The following SEMA5A variants were observed in gnomAD, a reference collection of about 807,000 sequenced individuals.
The protein encoded by SEMA5A is semaphorin-5A.
A neutral mutation model predicts 135.5 loss-of-function variants in SEMA5A; 55 were observed. That is an observed-to-expected ratio of 0.41 (90% confidence interval 0.33 to 0.51). The LOEUF (loss-of-function observed/expected upper bound fraction) is 0.51. Among genes scored for constraint, SEMA5A ranks in the 20% least tolerant of loss-of-function variants. The probability of loss-of-function intolerance (pLI) is 0.37; values close to 1 mark genes in which losing one functional copy is unlikely to be tolerated. For synonymous variants in SEMA5A, 580 were observed against 546.5 expected (o/e 1.06, Z -0.85); for missense variants, 1,290 against 1,419.9 (o/e 0.91, Z 1.47).
intron 4 of SEMA5A, among the ~76,000 whole-genome samples, chr5:9,325,560 A>G (rs1331062494): frequency 2.0e-5 from 3 of 152,054 alleles, no homozygotes; most frequent in African/African-American, 7.2e-5. Flanking sequence ...ATCACTAAGC[A>G]TAACAATATA....
At chr5:9,500,434 T>A (rs1418490049) in intron 1 of SEMA5A, among the ~76,000 whole-genome samples, 3 of 152,168 alleles carry the variant, frequency 2.0e-5, no homozygotes, top group Non-Finnish European at 4.4e-5. Flanking sequence ...GTTTTCATCA[T>A]GTTAGCTTTT....
rs182741616 is a variant in SEMA5A at position 9,468,879 on chromosome 5, C to G, written c.-174-31027G>C. Among the ~76,000 whole-genome samples the G allele has an allele frequency of 1.3e-5, 2 of 152,270 alleles. 1 individual carries two copies. The highest frequency in any genetic ancestry group is 3.9e-4 in the East Asian group (2 of 5,188). ...CATATTTAAAGCATTTCATACCTAC[C>G]GTCACATTGTTCTCCATAATATTCT... On this transcript the variant is annotated intron_variant, in intron 1 of 22. Transcript: ENST00000382496.
At chr5:9,154,089 A>ATG (rs1411582465) in intron 12 of SEMA5A, among the ~76,000 whole-genome samples, 2,230 of 78,896 alleles carry the variant, frequency 0.028, 77 homozygotes, top group Middle Eastern at 0.076. Flanking sequence ...ATATATATAT[A>ATG]TATATGTGTG....
chr5:9,256,776 T>A (rs1250119032), intron 5 of SEMA5A, among the ~76,000 whole-genome samples: 1 of 152,234 alleles, frequency 6.6e-6, no homozygotes, highest in African/African-American at 2.4e-5. Flanking sequence ...GAGTTTGAAA[T>A]GAGTTTACTT....
chr5:9,118,188 A>G (rs1288360101), intron 15 of SEMA5A, among the ~76,000 whole-genome samples: 1 of 152,238 alleles, frequency 6.6e-6, no homozygotes, highest in East Asian at 1.9e-4. Flanking sequence ...AAATGCACTG[A>G]AAGTCATTCA....
rs1741834489 is a variant in SEMA5A, at chr5:9,137,651, G to A, written c.1482-1030C>T. On this transcript the variant is annotated intron_variant, in intron 12 of 22. Transcript: ENST00000382496. ...GTGCCAATGACCCCTCTTAGAGGCA[G>A]GATAGTACTTACAGTGAGGGAGGTC... is the stretch of plus-strand genomic sequence containing the variant. 2.0e-5 allele frequency among the ~76,000 whole-genome samples: 3 copies of A among 152,156 alleles called. No individual in the cohort carries two copies. The South Asian group carries it at 6.2e-4, about 32-fold the overall frequency.
chr5:9,519,814 C>A (rs531827801), intron 1 of SEMA5A: 1 of 152,330 alleles, frequency 6.6e-6, no homozygotes, highest in South Asian at 2.1e-4. Context: ...CCAGTGCTTT[C>A]TCTTACCTCA....
chr5:9,541,724 T>C (rs762744129), intron 1 of SEMA5A, among the ~76,000 whole-genome samples: 2 of 152,204 alleles, frequency 1.3e-5, no homozygotes, highest in Non-Finnish European at 2.9e-5. Flanking sequence ...ACAACAGCAA[T>C]TCCTTTGGGA....
intron 1 of SEMA5A, among the ~76,000 whole-genome samples, chr5:9,485,671 T>C (rs1734670886): frequency 6.6e-6 from 1 of 152,088 alleles, no homozygotes; most frequent in African/African-American, 2.4e-5. Flanking sequence ...GATAATTGGG[T>C]GCACCAGAAA....
At chr5:9,046,321 A>T (rs1736251053) in intron 21 of SEMA5A, among the ~76,000 whole-genome samples, 1 of 152,206 alleles carries the variant, frequency 6.6e-6, no homozygotes, top group Non-Finnish European at 1.5e-5. Context: ...CTGGCTGCAG[A>T]GCAAGGCCTT....
chr5:9,152,603 G>C (rs1742690121), intron 12 of SEMA5A, among the ~76,000 whole-genome samples: 1 of 152,076 alleles, frequency 6.6e-6, no homozygotes, highest in Non-Finnish European at 1.5e-5. Flanking sequence ...GAATCATCTT[G>C]ACAGGCTTAT....
chr5:9,513,799 A>C (rs1408404943), intron 1 of SEMA5A, among the ~76,000 whole-genome samples: 1 of 152,192 alleles, frequency 6.6e-6, no homozygotes, highest in Non-Finnish European at 1.5e-5. Context: ...CAGGCTCATT[A>C]TACATTTAAA....
At chr5:9,098,089 T>TA (rs1434414974) in intron 16 of SEMA5A, among the ~76,000 whole-genome samples, 1 of 151,634 alleles carries the variant, frequency 6.6e-6, no homozygotes, top group African/African-American at 2.4e-5. Context: ...ACTAAAAACA[T>TA]AAAAATTAGC....
At chr5:9,371,607 A>C (rs1049941132) in intron 3 of SEMA5A, among the ~76,000 whole-genome samples, 2 of 152,250 alleles carry the variant, frequency 1.3e-5, no homozygotes, top group African/African-American at 4.8e-5. Context: ...TGTAAAAAGC[A>C]GGCAATGTGG....
chr5:9,367,898 G>T (rs1216076877), intron 3 of SEMA5A, among the ~76,000 whole-genome samples: 1 of 152,132 alleles, frequency 6.6e-6, no homozygotes, highest in African/African-American at 2.4e-5. Flanking sequence ...TGTCTCTCTT[G>T]CTCCCGCTCT....
At chr5:9,502,836 A>C (rs1459106669) in intron 1 of SEMA5A, among the ~76,000 whole-genome samples, 1 of 152,204 alleles carries the variant, frequency 6.6e-6, no homozygotes, top group African/African-American at 2.4e-5. Flanking sequence ...GGACAGAGTG[A>C]CGGAGAAGGA....
chr5:9,047,740 A>AAAC (rs1462351119), intron 21 of SEMA5A, among the ~76,000 whole-genome samples: 2 of 152,214 alleles, frequency 1.3e-5, no homozygotes, highest in Non-Finnish European at 2.9e-5. Context: ...AGATTCATCT[A>AAAC]AACTGCCTAT....
chr5:9,155,335 C>T (rs990924902), intron 11 of SEMA5A, among the ~76,000 whole-genome samples: 2 of 152,054 alleles, frequency 1.3e-5, no homozygotes, highest in South Asian at 2.1e-4. Context: ...AAGCCCTCCC[C>T]GCTCCAGGCT....
At chr5:9,455,630 A>G (rs539051547) in intron 1 of SEMA5A, among the ~76,000 whole-genome samples, 2 of 152,340 alleles carry the variant, frequency 1.3e-5, no homozygotes, top group South Asian at 4.1e-4. Context: ...GCCAGAACAG[A>G]GAAGGGTTTT....
Sources: gnomAD v4.1 joint callset for allele counts (sites outside exome capture counted in the v4.1 genomes callset) on GRCh38, gnomAD v4.1.1 for gene constraint, MANE v1.5 for transcripts, NCBI Gene and HGNC (gene_info 2026-07-23, HGNC 2026-07-21) for gene names.